Variants in DPP6 observed in about 807,000 individuals in gnomAD.
The protein encoded by DPP6 is A-type potassium channel modulatory protein DPP6.
DPP6 carries 69 observed loss-of-function variants against 122.6 expected under a neutral mutation model. That is an observed-to-expected ratio of 0.56 (90% CI 0.46 to 0.69). The LOEUF (loss-of-function observed/expected upper bound fraction) is 0.69, where lower values mean the gene tolerates loss of function less well. DPP6 is among the 30% of genes least tolerant of loss of function. The pLI is 0.00. For synonymous variants in DPP6, 418 were observed against 433.1 expected (o/e 0.97, Z 0.43); for missense variants, 928 against 1,116.9 (o/e 0.83, Z 2.41).
rs916559026 is a variant in DPP6, at chr7:154,448,881, G to A, written c.358+2553G>A. Among the ~76,000 whole-genome samples the A allele has an allele frequency of 4.6e-5, 7 of 152,300 alleles. No individual in the cohort carries two copies. The South Asian group carries it at 8.3e-4, about 18-fold the overall frequency. ...AGATATTCACCTGCAAAAGAGTGCA[G>A]TTGGACCCCCAACTCGTACCATATA... On this transcript the variant is annotated intron_variant, in intron 2 of 25. Transcript: ENST00000377770.
At chr7:154,570,902 G>C (rs1360513556) in intron 5 of DPP6, among the ~76,000 whole-genome samples, 1 of 152,170 alleles carries the variant, frequency 6.6e-6, no homozygotes, top group Non-Finnish European at 1.5e-5. Context: ...GTTATAAGTA[G>C]TGCATCTGGA....
chr7:153,914,018 G>T lies in DPP6; in HGVS notation c.51+26284G>T, dbSNP rs573847552. Among the ~76,000 whole-genome samples the T allele has an allele frequency of 2.6e-5, 4 of 152,088 alleles. 1 individual carries two copies. The South Asian group carries it at 6.2e-4, about 24-fold the overall frequency. On this transcript the variant is annotated intron_variant, in intron 1 of 25. Coordinates refer to the DPP6 transcript ENST00000404039. ...GAAAACTGACTTATTTGGTGATAAC[G>T]GTTTGGCTGTATCCCCACCCAAATC...
chr7:154,506,224 G>C (rs1227267258), intron 3 of DPP6, among the ~76,000 whole-genome samples: 1 of 149,686 alleles, frequency 6.7e-6, no homozygotes, highest in African/African-American at 2.5e-5. Context: ...TTTACACACA[G>C]TTTTTTTTTT....
intron 1 of DPP6, among the ~76,000 whole-genome samples, chr7:154,150,588 T>C (rs1213719748): frequency 4.6e-5 from 7 of 152,212 alleles, no homozygotes; most frequent in African/African-American, 7.2e-5. Context: ...CTCCAAAGAA[T>C]AGGCATCTTA....
intron 1 of DPP6, among the ~76,000 whole-genome samples, chr7:153,944,619 C>A (rs1801854295): frequency 6.7e-6 from 1 of 149,232 alleles, no homozygotes; most frequent in Non-Finnish European, 1.5e-5. Context: ...CGGGGCCTTG[C>A]AGGCCATAAC....
At chr7:154,435,126 C>A (rs1468866980) in intron 1 of DPP6, among the ~76,000 whole-genome samples, 1 of 152,308 alleles carries the variant, frequency 6.6e-6, no homozygotes, top group South Asian at 2.1e-4. Context: ...CATGAGCCAC[C>A]ATTCCTGGCT....
chr7:153,905,055 C>A (rs1286274669), intron 1 of DPP6, among the ~76,000 whole-genome samples: 3 of 152,224 alleles, frequency 2.0e-5, no homozygotes, highest in African/African-American at 7.2e-5. Flanking sequence ...AAGATCTGCC[C>A]ATCTAGATTC....
At chr7:154,749,056 A>C (rs937371998) in intron 8 of DPP6, among the ~76,000 whole-genome samples, 2 of 148,084 alleles carry the variant, frequency 1.4e-5, no homozygotes, top group Non-Finnish European at 3.0e-5. Flanking sequence ...AGAGAGGGTG[A>C]GGGAGCATAG....
intron 16 of DPP6, among the ~76,000 whole-genome samples, chr7:154,828,495 A>T (rs1037602365): frequency 2.0e-5 from 3 of 152,320 alleles, no homozygotes; most frequent in Non-Finnish European, 4.4e-5. Context: ...TTTTCTAAAG[A>T]AATAGCTGCT....
At chr7:154,647,534 G>T (rs1173566626) in intron 6 of DPP6, among the ~76,000 whole-genome samples, 1 of 152,130 alleles carries the variant, frequency 6.6e-6, no homozygotes, top group South Asian at 2.1e-4. Context: ...CTCTTCCGGG[G>T]TCTGTCCACA....
At chr7:153,999,902 G>A (rs2129045313) in intron 1 of DPP6, among the ~76,000 whole-genome samples, 1 of 152,062 alleles carries the variant, frequency 6.6e-6, no homozygotes, top group African/African-American at 2.4e-5. Context: ...GGAGGTTACA[G>A]TGAGCCAAGA....
the DPP6 span, among the ~76,000 whole-genome samples, chr7:153,881,915 T>A: frequency 6.6e-6 from 1 of 152,230 alleles, no homozygotes; most frequent in African/African-American, 2.4e-5. Flanking sequence ...TGTATTCCTG[T>A]ATCATATTTG....
At chr7:154,751,909 G>C (rs1843414028) in intron 8 of DPP6, among the ~76,000 whole-genome samples, 1 of 152,126 alleles carries the variant, frequency 6.6e-6, no homozygotes, top group South Asian at 2.1e-4. Flanking sequence ...GGCAAGTCCT[G>C]GTAGCAGTGT....
intron 1 of DPP6, among the ~76,000 whole-genome samples, chr7:154,201,985 T>A (rs1366006457): frequency 1.3e-5 from 2 of 152,204 alleles, no homozygotes; most frequent in African/African-American, 4.8e-5. Context: ...CTCAAACACT[T>A]ACCAGTTTTT....
At chr7:154,575,644 GTGTTTT>G (rs1586664107) in intron 5 of DPP6, among the ~76,000 whole-genome samples, 1 of 133,398 alleles carries the variant, frequency 7.5e-6, no homozygotes, top group South Asian at 2.6e-4. Context: ...TGTGTGTGGT[GTGTTTT>G]TGTGTGGTGT....
At position 154,672,713 on chromosome 7, in the gene DPP6, T is replaced by C. The variant is rs939792473; in HGVS notation, c.762+3272T>C. The stretch of plus-strand genomic sequence containing the variant: ...TGACCTTTAAGAGCGTTATGATACA[T>C]GCATGTACTGAGCTTAAGACGCAAT... On this transcript the variant is annotated intron_variant, in intron 7 of 25. Coordinates refer to ENST00000377770, the MANE Select transcript of DPP6 (RefSeq NM_130797.4). 3.3e-5 allele frequency among the ~76,000 whole-genome samples: 5 copies of C among 152,234 alleles called. No individual in the cohort carries two copies. In the East Asian group the frequency reaches 7.7e-4, roughly 23 times the overall value.
intron 3 of DPP6, among the ~76,000 whole-genome samples, chr7:154,527,559 C>T (rs1300083946): frequency 6.6e-6 from 1 of 152,050 alleles, no homozygotes; most frequent in Non-Finnish European, 1.5e-5. Flanking sequence ...TAATAGAACA[C>T]TGTTTCTATT....
chr7:154,233,463 A>G (rs1485448833), intron 1 of DPP6, among the ~76,000 whole-genome samples: 2 of 152,184 alleles, frequency 1.3e-5, no homozygotes, highest in Non-Finnish European at 2.9e-5. Context: ...ACTGTATTTG[A>G]CTAGGGGTCT....
intron 3 of DPP6, among the ~76,000 whole-genome samples, chr7:154,540,330 T>C (rs1238846025): frequency 6.6e-6 from 1 of 152,176 alleles, no homozygotes; most frequent in Non-Finnish European, 1.5e-5. Context: ...TCTATGTCAA[T>C]GTGTAAAGTA....
Sources: gnomAD v4.1 joint callset for allele counts (sites outside exome capture counted in the v4.1 genomes callset) on GRCh38, gnomAD v4.1.1 for gene constraint, MANE v1.5 for transcripts, NCBI Gene and HGNC (gene_info 2026-07-23, HGNC 2026-07-21) for gene names.